Variants in ZNF565 observed in about 807,000 individuals in gnomAD.
ZNF565 encodes the protein zinc finger protein 565.
ZNF565 carries 27 observed loss-of-function variants against 39.4 expected under a neutral mutation model. The observed-to-expected ratio is 0.69, with a 90% CI of 0.51 to 0.95. ZNF565 has a LOEUF of 0.95. Ranked by LOEUF, ZNF565 falls within the 40% of genes least tolerant of loss-of-function variation. The pLI, the probability that ZNF565 is intolerant of heterozygous loss-of-function variation, is 0.00. For synonymous variants in ZNF565, 185 were observed against 216.6 expected, an observed-to-expected ratio of 0.85 and a Z score of 1.28; for missense variants, 524 against 621.1, an observed-to-expected ratio of 0.84 and a Z score of 1.66.
At chr19:36,238,385 G>A (rs1977722266) in intron 1 of ZNF565, 1 of 167,208 alleles carries the variant, frequency 6.0e-6, no homozygotes, top group African/African-American at 2.4e-5. Flanking sequence ...GTGAAGAGTG[G>A]AGAAGGGAAA....
upstream of ZNF565, among the ~76,000 whole-genome samples, chr19:36,215,392 G>C (rs528967313): frequency 2.6e-5 from 4 of 152,104 alleles, no homozygotes; most frequent in Non-Finnish European, 5.9e-5. Context: ...CTGATGTTTG[G>C]GATTGTTGAG....
chr19:36,217,111 A>G (rs1240725680), upstream of ZNF565, among the ~76,000 whole-genome samples: 1 of 123,748 alleles, frequency 8.1e-6, no homozygotes, highest in Non-Finnish European at 1.6e-5. Context: ...TGCCCAGTCT[A>G]GAGTGCAGTG....
intron 2 of ZNF565, among the ~76,000 whole-genome samples, chr19:36,199,066 A>G (rs1340821651): frequency 6.6e-6 from 1 of 152,116 alleles, no homozygotes; most frequent in East Asian, 1.9e-4. Flanking sequence ...TGTACTGACA[A>G]AAATTAAAAA....
chr19:36,185,597 A>G (rs1465827651), intron 4 of ZNF565, among the ~76,000 whole-genome samples: 1 of 151,962 alleles, frequency 6.6e-6, no homozygotes, highest in Non-Finnish European at 1.5e-5. Context: ...CATGTAAAAT[A>G]AATCTAGGCC....
At chr19:36,187,979 G>A (rs575374640) in intron 4 of ZNF565, among the ~76,000 whole-genome samples, 14 of 151,736 alleles carry the variant, frequency 9.2e-5, no homozygotes, top group Non-Finnish European at 2.1e-4. Context: ...AGACACACAA[G>A]AAGAAATTAA....
intron 1 of ZNF565, among the ~76,000 whole-genome samples, chr19:36,240,403 A>G (rs1193321799): frequency 6.6e-6 from 1 of 152,184 alleles, no homozygotes; most frequent in Non-Finnish European, 1.5e-5. Context: ...CCTGGGTGAC[A>G]GAGACCCTGT....
At chr19:36,183,933 C>A (rs1196192543) in intron 4 of ZNF565, among the ~76,000 whole-genome samples, 200 bp from the exon 5 acceptor site, 2 of 151,570 alleles carry the variant, frequency 1.3e-5, no homozygotes, top group Non-Finnish European at 2.9e-5. Flanking sequence ...CAAAAATTAG[C>A]CACACTTGGT....
Position 36,182,675 on chromosome 19 carries a change from C to T in ZNF565, c.1291G>A (p.Val431Ile), listed in dbSNP as rs1457065563. 6.2e-7 allele frequency: 1 copy of T among 1,614,022 alleles called. No individual in the cohort carries two copies. The highest frequency in any genetic ancestry group is 8.5e-7 in the Non-Finnish European group (1 of 1,180,004). The change falls in exon 5 of 5, where the codon GTT becomes ATT. Residue 431 changes from valine to isoleucine, a missense_variant. Transcript: ENST00000304116. The stretch of plus-strand genomic sequence containing the variant: ...CGCTGATGATGAGTCAGTTGTGAAA[C>T]ACGAATAAAGGCCTTCCCACATTCC... The part of the protein sequence containing the change: ...CKECGKAFIR[V>I]SQLTHHQRIH...
rs546023366 is a variant in ZNF565 at position 36,200,245 on chromosome 19, C to T, written c.9+1732G>A. The stretch of plus-strand genomic sequence containing the variant: ...TTCATCATGTTGGTCAGGCTGGTCT[C>T]GAACTCCTGACCTCAGGTGATCTGT... On this transcript the variant is annotated intron_variant, in intron 2 of 4. Coordinates refer to ENST00000304116, the MANE Select transcript of ZNF565 (RefSeq NM_152477.5). Among the ~76,000 whole-genome samples the T allele has an allele frequency of 1.7e-3, 257 of 149,654 alleles. 1 individual carries two copies. The highest frequency in any genetic ancestry group is 3.1e-3 in the Non-Finnish European group (209 of 67,222).
chr19:36,245,563 C>T lies in ZNF565; in HGVS notation c.-33G>A. On this transcript the variant is annotated 5_prime_UTR_variant, in exon 1 of 5. Transcript: ENST00000355114. This position sits in a 1 kb window ranked among gnomAD's most constrained non-coding sequence, Gnocchi z 4.4. ...GTGGCTTGCTCTGGACTACATTTCC[C>T]AGGGTCCACCGCGGATCTAGGAGGA... The T allele has an allele frequency of 1.4e-6, 1 of 702,296 alleles. No homozygotes were observed. The highest frequency in any genetic ancestry group is 1.5e-5 in the South Asian group (1 of 67,594). The allele number at this position is 702,296 out of a possible 1,614,324, so 43.5% of individuals were successfully genotyped here.
chr19:36,242,345 G>T (rs1350362853), intron 1 of ZNF565, among the ~76,000 whole-genome samples: 2 of 152,082 alleles, frequency 1.3e-5, no homozygotes, highest in South Asian at 2.1e-4. Context: ...GGAGGTGGAG[G>T]TTGCAGTGAG....
chr19:36,183,584 GTC>G lies in ZNF565; in HGVS notation c.380_381del (p.Arg127ThrfsTer4). ...ADWECEGQFE[R>X]QVNEECYFKQ... Reference sequence around the variant, plus strand: ...TTAAAATAGCACTCTTCATTGACTTGTCTCTCAAACTGGCCTTCGCATTCCCA... The same window carrying G: ...TTAAAATAGCACTCTTCATTGACTTGTCTCAAACTGGCCTTCGCATTCCCA... On this transcript the variant is annotated frameshift_variant, in exon 5 of 5. Coordinates refer to ENST00000304116, the MANE Select transcript of ZNF565 (RefSeq NM_152477.5). LOFTEE classifies it low-confidence loss of function (END_TRUNC). 1 of 1,614,156 alleles carries G rather than the reference GTC, an allele frequency of 6.2e-7. No individual in the cohort carries two copies. Among genetic ancestry groups the G allele is most frequent in the Non-Finnish European group, 8.5e-7 (1 of 1,180,046 alleles).
At chr19:36,227,806 C>T (rs1465226245) in intron 1 of ZNF565, among the ~76,000 whole-genome samples, 2 of 152,172 alleles carry the variant, frequency 1.3e-5, no homozygotes, top group African/African-American at 2.4e-5. Flanking sequence ...CACCCACTTC[C>T]GGCCTCCCGA....
intron 1 of ZNF565, among the ~76,000 whole-genome samples, chr19:36,206,369 G>A (rs1252022098): frequency 5.3e-5 from 8 of 152,030 alleles, no homozygotes; most frequent in Non-Finnish European, 1.2e-4. Context: ...AGCACTTTGA[G>A]GGACCAAGGC....
intron 4 of ZNF565, among the ~76,000 whole-genome samples, chr19:36,191,045 A>G (rs550928884): frequency 4.0e-5 from 6 of 150,376 alleles, no homozygotes; most frequent in Admixed American, 1.3e-4. Flanking sequence ...GAAGGGCCCA[A>G]TGGTAAATGT....
At chr19:36,189,130 A>G (rs114672458) in intron 4 of ZNF565, among the ~76,000 whole-genome samples, 5,088 of 151,906 alleles carry the variant, frequency 0.033, 308 homozygotes, top group African/African-American at 0.12. Flanking sequence ...AATGCCACTG[A>G]ATTATCTACT....
chr19:36,182,596 A>G lies in ZNF565; in HGVS notation c.1370T>C (p.Ile457Thr). Residue 457 changes from isoleucine to threonine, a missense_variant, in exon 5 of 5, where the codon ATT becomes ACT. Coordinates refer to ENST00000304116, the MANE Select transcript of ZNF565 (RefSeq NM_152477.5). The stretch of plus-strand genomic sequence containing the variant: ...ATGTTCGGTAAGTTGTGAACTACGA[A>G]TAAAGGCCATTCCACACTCCCTGCA... ...YECRECGMAF[I>T]RSSQLTEHQR... is the part of the protein sequence containing the mutation. 1 of 1,614,170 alleles carries G rather than the reference A, an allele frequency of 6.2e-7. No homozygotes were observed. Among genetic ancestry groups the G allele is most frequent in the East Asian group, 2.2e-5 (1 of 44,886 alleles).
chr19:36,182,953 T>TTACACTC lies in ZNF565; in HGVS notation c.1006_1012dup (p.Lys338ArgfsTer3). 1 of 1,614,128 alleles carries TTACACTC rather than the reference T, an allele frequency of 6.2e-7. No individual in the cohort carries two copies. The highest frequency in any genetic ancestry group is 8.5e-7 in the Non-Finnish European group (1 of 1,180,034). ...GTGAATAAAGCCCTTTCCGCATTCC[T>TTACACTC]TACACTCGTAGGGTTTCTCACCAGT... On this transcript the variant is annotated stop_gained and frameshift_variant, in exon 5 of 5. Transcript: ENST00000304116. LOFTEE classifies it high-confidence loss of function.
At chr19:36,214,343 G>A (rs1484977496) in intron 1 of ZNF565, among the ~76,000 whole-genome samples, 2 of 151,688 alleles carry the variant, frequency 1.3e-5, no homozygotes, top group Admixed American at 6.6e-5. Context: ...CCAGGAACAG[G>A]GCGAACAGGC....
Sources: gnomAD v4.1 joint callset for allele counts (sites outside exome capture counted in the v4.1 genomes callset) on GRCh38, gnomAD v4.1.1 for gene constraint, Gnocchi (gnomAD v3.1) non-coding constraint, MANE v1.5 for transcripts, NCBI Gene and HGNC (gene_info 2026-07-23, HGNC 2026-07-21) for gene names.